The following RPTOR variants were observed in gnomAD, a reference collection of about 807,000 sequenced individuals.
The protein encoded by RPTOR is regulatory-associated protein of mTOR.
A neutral mutation model predicts 169.9 loss-of-function variants in RPTOR; 21 were observed. That is an observed-to-expected ratio of 0.12 (90% CI 0.09 to 0.18). The LOEUF (loss-of-function observed/expected upper bound fraction) is 0.18, where lower values mean the gene tolerates loss of function less well. RPTOR is among the 10% of genes least tolerant of loss of function. RPTOR has a pLI of 1.00. For synonymous variants in RPTOR, 732 were observed against 753.2 expected (o/e 0.97, Z 0.46); for missense variants, 1,133 against 1,855.9 (o/e 0.61, Z 7.16).
At chr17:80,681,788 T>C (rs1380397951) in intron 3 of RPTOR, among the ~76,000 whole-genome samples, 1 of 51,732 alleles carries the variant, frequency 1.9e-5, no homozygotes, top group Non-Finnish European at 3.9e-5. Flanking sequence ...TACACCTTCA[T>C]GAGGTGTACG....
intron 1 of RPTOR, among the ~76,000 whole-genome samples, chr17:80,551,390 T>C (rs564908447): frequency 2.6e-5 from 4 of 152,182 alleles, no homozygotes; most frequent in African/African-American, 9.6e-5. Context: ...TATTGATCAT[T>C]CGTGGGTGTT....
At chr17:80,846,383 G>A (rs1490130491) in intron 10 of RPTOR, 90 bp from the exon 11 acceptor site, 9 of 1,325,434 alleles carry the variant, frequency 6.8e-6, no homozygotes, top group African/African-American at 4.3e-5. Flanking sequence ...CTTCGTGAAG[G>A]CTTGGATGCC....
intron 11 of RPTOR, among the ~76,000 whole-genome samples, chr17:80,853,324 T>G (rs2245187): frequency 6.6e-6 from 1 of 152,082 alleles, no homozygotes; most frequent in African/African-American, 2.4e-5. Context: ...AACCCCCTCA[T>G]GTCACCTCCA....
intron 6 of RPTOR, among the ~76,000 whole-genome samples, chr17:80,755,582 C>CA (rs1250847670): frequency 6.6e-6 from 1 of 151,536 alleles, no homozygotes; most frequent in African/African-American, 2.4e-5. Flanking sequence ...ACTAAAAATA[C>CA]AAAAAAATTA....
At chr17:80,802,231 A>G (rs1032918867) in intron 7 of RPTOR, 7 of 152,316 alleles carry the variant, frequency 4.6e-5, no homozygotes, top group African/African-American at 1.7e-4. Flanking sequence ...CCTGCGCCAC[A>G]GAGCACGGAG....
intron 1 of RPTOR, among the ~76,000 whole-genome samples, chr17:80,594,506 G>A (rs144909978): frequency 3.3e-4 from 50 of 152,322 alleles, no homozygotes; most frequent in African/African-American, 1.1e-3. Flanking sequence ...TGCTTTCCAC[G>A]AAGTCCTTGC....
intron 24 of RPTOR, among the ~76,000 whole-genome samples, chr17:80,930,354 C>CT (rs1567993661): frequency 2.8e-4 from 10 of 36,114 alleles, no homozygotes; most frequent in South Asian, 6.6e-4. Flanking sequence ...TCAGCTCATC[C>CT]CCAGCTCATC....
At chr17:80,962,658 C>T in intron 32 of RPTOR, 81 bp downstream of exon 32, 2 of 1,304,632 alleles carry the variant, frequency 1.5e-6, no homozygotes, top group South Asian at 1.3e-5. Context: ...TGTGTTCCTG[C>T]CCCCAGGAGC....
At chr17:80,586,616 C>A (rs1280371586) in intron 1 of RPTOR, among the ~76,000 whole-genome samples, 4 of 152,346 alleles carry the variant, frequency 2.6e-5, no homozygotes, top group Non-Finnish European at 5.9e-5. Flanking sequence ...CCTCTCTCCT[C>A]CCCCTCTGCC....
chr17:80,733,433 TA>T (rs1388800773), intron 5 of RPTOR, among the ~76,000 whole-genome samples: 2 of 152,240 alleles, frequency 1.3e-5, no homozygotes, highest in African/African-American at 4.8e-5. Context: ...ATGAATAAAG[TA>T]GTCCCTGGCC....
At chr17:80,650,084 C>T (rs1318637115) in intron 3 of RPTOR, among the ~76,000 whole-genome samples, 1 of 152,234 alleles carries the variant, frequency 6.6e-6, no homozygotes, top group Non-Finnish European at 1.5e-5. Context: ...TTTAGGCACA[C>T]CAAAGACATT....
At chr17:80,884,006 C>A (rs771967672) in intron 16 of RPTOR, 34 bp downstream of exon 16, 1 of 1,589,044 alleles carries the variant, frequency 6.3e-7, no homozygotes, top group Non-Finnish European at 8.6e-7. Context: ...TCCAGTCCTC[C>A]TGGCTGCCGA....
In RPTOR at chr17:80,957,704, G is replaced by A. The variant is rs150362357; in HGVS notation, c.3451G>A (p.Asp1151Asn). Residue 1151 changes from aspartate (D) to asparagine (N), a missense_variant, in exon 29 of 34, where the codon GAC (aspartate) becomes AAC (asparagine). Asp to Asn is a conservative substitution (Grantham distance 23). Around this residue, in one of 9 missense-constraint regions of RPTOR, gnomAD observed 410 missense variants for 623.7 expected, o/e 0.66. Transcript: ENST00000306801. This position sits in a 1 kb window ranked among gnomAD's most constrained non-coding sequence, Gnocchi z 4.6. Reference protein sequence around the residue: ...SGDVRIVRIWDTDREMKVQDI... With the variant: ...SGDVRIVRIWNTDREMKVQDI... ...AGACGTGCGGATCGTCCGGATCTGGGACACAGACCGTGAGATGAAGGTGCA... is the reference window on the plus strand; with the variant it reads ...AGACGTGCGGATCGTCCGGATCTGGAACACAGACCGTGAGATGAAGGTGCA... 129 of 1,613,994 alleles carry A rather than the reference G, an allele frequency of 8.0e-5. No individual in the cohort carries two copies. The highest frequency in any genetic ancestry group is 2.7e-4 in the Admixed American group (16 of 60,016).
intron 1 of RPTOR, among the ~76,000 whole-genome samples, chr17:80,581,067 C>T (rs1443872227): frequency 2.0e-5 from 3 of 152,114 alleles, no homozygotes; most frequent in Admixed American, 6.6e-5. Context: ...TCATCATTTT[C>T]GTCAGTGTGT....
At chr17:80,855,647 C>G (rs1598355594) in intron 12 of RPTOR, 100 bp downstream of exon 12, 2 of 942,474 alleles carry the variant, frequency 2.1e-6, no homozygotes. Flanking sequence ...CAGAGCCACC[C>G]CCAGCCGTGA....
chr17:80,645,872 G>A (rs2065591716), intron 3 of RPTOR, among the ~76,000 whole-genome samples: 2 of 152,204 alleles, frequency 1.3e-5, no homozygotes, highest in Non-Finnish European at 2.9e-5. Flanking sequence ...AGCGAGCACA[G>A]GTGCAAAGGG....
intron 3 of RPTOR, among the ~76,000 whole-genome samples, chr17:80,687,275 C>T (rs910055951): frequency 2.0e-5 from 3 of 152,230 alleles, no homozygotes; most frequent in African/African-American, 7.2e-5. Flanking sequence ...TTTCTTTCTC[C>T]TGTCTCTCCT....
intron 11 of RPTOR, among the ~76,000 whole-genome samples, chr17:80,850,004 T>G (rs2067776367): frequency 2.0e-5 from 3 of 152,246 alleles, no homozygotes; most frequent in African/African-American, 7.2e-5. Context: ...ACTTTTCTTC[T>G]TCTTTCTTTT....
rs147593289 is a variant in RPTOR, at chr17:80,784,631, G to C, written c.831-6819G>C. Among the ~76,000 whole-genome samples the C allele has an allele frequency of 9.4e-3, 1,419 of 151,724 alleles. 20 individuals are homozygous for C. Among genetic ancestry groups the C allele is most frequent in the African/African-American group, 0.029 (1,187 of 41,360 alleles). On this transcript the variant is annotated intron_variant, in intron 6 of 33. Transcript: ENST00000306801. ...TGGTCTTGAACTCCTGACCTCAGGTGATCTGCCCACCTCAGCCCCCCAAAG... is the reference window on the plus strand; with the variant it reads ...TGGTCTTGAACTCCTGACCTCAGGTCATCTGCCCACCTCAGCCCCCCAAAG...
Sources: allele counts gnomAD v4.1 joint callset (sites outside exome capture counted in the v4.1 genomes callset), GRCh38; gene constraint gnomAD v4.1.1; regional missense constraint gnomAD v4.1.1; non-coding constraint Gnocchi (gnomAD v3.1); transcripts MANE v1.5; gene names NCBI Gene and HGNC (gene_info 2026-07-23, HGNC 2026-07-21).